Variants in CLHC1 observed in about 807,000 individuals in gnomAD.
CLHC1 encodes the protein clathrin heavy chain linker domain containing 1, also known as clathrin heavy chain linker domain-containing protein 1.
In CLHC1, 72 loss-of-function variants were observed where a neutral mutation model predicts 69.5. The ratio of observed to expected loss-of-function variants is 1.04; its 90% CI spans 0.86 to 1.26. The LOEUF (loss-of-function observed/expected upper bound fraction) is 1.26. Among genes scored for constraint, CLHC1 ranks in the 50% most tolerant of loss-of-function variants. The pLI, the probability that CLHC1 is intolerant of heterozygous loss-of-function variation, is 0.00. For synonymous variants in CLHC1, 223 were observed against 224.3 expected, an observed-to-expected ratio of 0.99 and a Z score of 0.05; for missense variants, 790 against 679.3, an observed-to-expected ratio of 1.16 and a Z score of -1.81.
intron 2 of CLHC1, among the ~76,000 whole-genome samples, chr2:55,222,723 C>G (rs2104071843): frequency 6.6e-6 from 1 of 151,754 alleles, no homozygotes; most frequent in East Asian, 1.9e-4. Flanking sequence ...GAGTTCGAGA[C>G]CAGCCTGACC....
At chr2:55,184,919 AACACACACACACAC>A (rs561837633) in intron 9 of CLHC1, among the ~76,000 whole-genome samples, 33 of 126,094 alleles carry the variant, frequency 2.6e-4, no homozygotes, top group African/African-American at 4.3e-4. Context: ...AAAAAAACAA[AACACACACACACAC>A]ACACACACAC....
chr2:55,175,902 C>T lies in CLHC1; in HGVS notation c.1649G>A (p.Gly550Asp), dbSNP rs1285344114. ...GATGTCATTAGATAATTTGTCAAAG[C>T]CATTCTGTGAACATATATTTGCCAC... is the stretch of plus-strand genomic sequence containing the variant. ...QEVANICSQN[G>D]FDKLSNDITS... Residue 550 changes from glycine to aspartate, a missense_variant, in exon 13 of 13, where the codon GGC (glycine) becomes GAC (aspartate). Physicochemically the swap from Gly to Asp is moderately conservative, Grantham distance 94. Transcript: ENST00000401408. 2 of 1,613,826 alleles carry T rather than the reference C, an allele frequency of 1.2e-6. No homozygotes were observed. Among genetic ancestry groups the T allele is most frequent in the Non-Finnish European group, 1.7e-6 (2 of 1,179,874 alleles).
chr2:55,223,189 G>A (rs949617227), intron 2 of CLHC1, among the ~76,000 whole-genome samples: 5 of 151,926 alleles, frequency 3.3e-5, no homozygotes, highest in African/African-American at 7.3e-5. Context: ...TTACGACCCC[G>A]GCGCTTATCT....
At chr2:55,178,931 T>G (rs1329431863) in intron 11 of CLHC1, among the ~76,000 whole-genome samples, 1 of 149,788 alleles carries the variant, frequency 6.7e-6, no homozygotes, top group East Asian at 1.9e-4. Flanking sequence ...ATTATTATTA[T>G]TATTATTATT....
chr2:55,203,100 C>G (rs750085068), intron 9 of CLHC1, among the ~76,000 whole-genome samples: 1 of 151,968 alleles, frequency 6.6e-6, no homozygotes, highest in Non-Finnish European at 1.5e-5. Context: ...TAGAATTAAC[C>G]AAAGCACTGA....
In CLHC1 at chr2:55,181,604, A is replaced by T. The variant is rs779213324; in HGVS notation, c.1147T>A (p.Leu383Ile). The T allele has an allele frequency of 2.5e-6, 4 of 1,612,332 alleles. No individual in the cohort carries two copies. In the East Asian group the frequency reaches 8.9e-5, roughly 36 times the overall value. Residue 383 changes from leucine (L) to isoleucine (I), a missense_variant, in exon 10 of 13, where the codon TTA (leucine) becomes ATA (isoleucine). Coordinates refer to ENST00000401408, the MANE Select transcript of CLHC1 (RefSeq NM_152385.4). ...GIKCGLSEKR[L>I]DLVTNWVTQE... ...GTAACCCAATTGGTAACTAAATCTA[A>T]CCGTTTTTCTGATAATCCACATTTG...
intron 5 of CLHC1, among the ~76,000 whole-genome samples, chr2:55,211,502 CAAA>C (rs35216255): frequency 4.9e-5 from 4 of 82,264 alleles, no homozygotes; most frequent in African/African-American, 4.9e-5. Flanking sequence ...ACTATGTCTC[CAAA>C]AAAAAAAAAA....
rs1162910086 is a variant in CLHC1 at position 55,217,523 on chromosome 2, CAAAAAAA to C, written c.365+281_365+287del. Among the ~76,000 whole-genome samples the C allele has an allele frequency of 1.1e-3, 23 of 20,314 alleles. No individual in the cohort carries two copies. The South Asian group carries it at 0.024, about 21-fold the overall frequency. 13.3% of individuals were successfully genotyped at this position (20,314 alleles called of 152,430 possible). A position where few individuals can be genotyped will look rare whatever the true frequency, so the allele number is the denominator to read the frequency against. Reference sequence around the variant, plus strand: ...GGGCAACAAGAGTGAAACCCTGTCTCAAAAAAAAAAAAAAAAAAAAAAAAAAAAAATA... The same window carrying C: ...GGGCAACAAGAGTGAAACCCTGTCTCAAAAAAAAAAAAAAAAAAAAAAATA... On this transcript the variant is annotated intron_variant, in intron 4 of 12. Coordinates refer to ENST00000401408, the MANE Select transcript of CLHC1 (RefSeq NM_152385.4).
At chr2:55,203,430 C>A (rs930105561) in intron 9 of CLHC1, among the ~76,000 whole-genome samples, 15 of 152,062 alleles carry the variant, frequency 9.9e-5, no homozygotes, top group African/African-American at 3.6e-4. Context: ...GCTATAGTAA[C>A]CAAAACAGCA....
At chr2:55,208,733 T>C in intron 7 of CLHC1, 23 bp from the exon 8 acceptor site, 1 of 1,479,954 alleles carries the variant, frequency 6.8e-7, no homozygotes, top group Non-Finnish European at 9.4e-7. Flanking sequence ...AAAGTACTAC[T>C]GGAAGATATT....
In CLHC1 at chr2:55,209,617, T is replaced by C; in HGVS notation, c.701+13A>G. On this transcript the variant is annotated intron_variant, in intron 6 of 12. Transcript: ENST00000401408. ...AACTCCAAACTTTAAAAACATATAA[T>C]CAACTTCCATACCAAAACTGCAATT... 6.2e-7 allele frequency: 1 copy of C among 1,610,884 alleles called. No homozygotes were observed. The highest frequency in any genetic ancestry group is 8.5e-7 in the Non-Finnish European group (1 of 1,177,320).
At chr2:55,195,692 T>C (rs550709817) in intron 9 of CLHC1, among the ~76,000 whole-genome samples, 2 of 151,860 alleles carry the variant, frequency 1.3e-5, no homozygotes, top group African/African-American at 2.4e-5. Flanking sequence ...ATCCCAGCTA[T>C]TGGGGAGGCT....
chr2:55,203,158 G>A (rs1398775658), intron 9 of CLHC1, among the ~76,000 whole-genome samples: 6 of 152,060 alleles, frequency 3.9e-5, no homozygotes, highest in Non-Finnish European at 7.4e-5. Flanking sequence ...AGAAACTGAA[G>A]AGGACACACA....
Position 55,175,630 on chromosome 2 carries a change from T to C in CLHC1, c.*160A>G. On this transcript the variant is annotated 3_prime_UTR_variant, in exon 13 of 13. Transcript: ENST00000401408. ...AAAAGGAAGCAATAGTATAAATATT[T>C]CAAAGACAAATCTAAATGTCATCAT... 2 of 569,552 alleles carry C rather than the reference T, an allele frequency of 3.5e-6. No homozygotes were observed. Among genetic ancestry groups the C allele is most frequent in the Non-Finnish European group, 6.2e-6 (2 of 322,844 alleles). The allele number at this position is 569,552 out of a possible 1,614,324, so 35.3% of individuals were successfully genotyped here.
chr2:55,191,017 GA>G (rs1670874701), intron 9 of CLHC1, among the ~76,000 whole-genome samples: 1 of 152,094 alleles, frequency 6.6e-6, no homozygotes, highest in Non-Finnish European at 1.5e-5. Flanking sequence ...CAAAGATAAA[GA>G]TGAAATAACA....
intron 2 of CLHC1, among the ~76,000 whole-genome samples, chr2:55,223,389 TA>T (rs1262523266): frequency 6.6e-6 from 1 of 152,150 alleles, no homozygotes; most frequent in East Asian, 1.9e-4. Context: ...GCAGCCGCAT[TA>T]TGCCGCTTTC....
At chr2:55,194,711 CAA>C (rs1671233388) in intron 9 of CLHC1, among the ~76,000 whole-genome samples, 1 of 152,070 alleles carries the variant, frequency 6.6e-6, no homozygotes, top group Non-Finnish European at 1.5e-5. Flanking sequence ...GACCAATATA[CAA>C]AAGTCAACTG....
chr2:55,210,514 A>G (rs1371425371), intron 5 of CLHC1, among the ~76,000 whole-genome samples: 1 of 152,032 alleles, frequency 6.6e-6, no homozygotes, highest in Non-Finnish European at 1.5e-5. Flanking sequence ...GCAGTTTTAA[A>G]CATTATCAAT....
intron 4 of CLHC1, among the ~76,000 whole-genome samples, chr2:55,213,803 C>T (rs1226702968): frequency 1.3e-5 from 2 of 152,110 alleles, no homozygotes; most frequent in African/African-American, 4.8e-5. Context: ...ATGCCAATAG[C>T]TATAGGAACC....
Sources: allele counts gnomAD v4.1 joint callset (sites outside exome capture counted in the v4.1 genomes callset), GRCh38; gene constraint gnomAD v4.1.1; transcripts MANE v1.5; gene names NCBI Gene and HGNC (gene_info 2026-07-23, HGNC 2026-07-21).